Variants in GAK observed in about 807,000 individuals in gnomAD.
GAK encodes the protein cyclin G associated kinase, also known as cyclin-G-associated kinase.
In GAK, 79 loss-of-function variants were observed where a neutral mutation model predicts 143.9. The observed-to-expected ratio is 0.55, with a 90% CI of 0.46 to 0.66. The LOEUF (loss-of-function observed/expected upper bound fraction) is 0.66. Among genes scored for constraint, GAK ranks in the 30% least tolerant of loss-of-function variants. The pLI is 0.00. For synonymous variants in GAK, 881 were observed against 765.5 expected (o/e 1.15, Z -2.49); for missense variants, 1,693 against 1,779.7 (o/e 0.95, Z 0.88).
chr4:883,938 C>T lies in GAK; in HGVS notation c.1255+99G>A, dbSNP rs927169432. On this transcript the variant is annotated intron_variant, in intron 12 of 27. Transcript: ENST00000314167. ...TGTGAGTCTGTGGCCACAGAGAAGG[C>T]TGGAGCAGAGGCACCTGTGCCCTGA... 21 of 1,200,952 alleles carry T rather than the reference C, an allele frequency of 1.7e-5. No individual in the cohort carries two copies. In the African/African-American group the frequency reaches 3.0e-4, roughly 17 times the overall value. The allele number at this position is 1,200,952 out of a possible 1,614,324, so 74.4% of individuals were successfully genotyped here.
At chr4:912,939 G>T in intron 2 of GAK, 145 bp from the exon 3 acceptor site, 1 of 539,772 alleles carries the variant, frequency 1.9e-6, no homozygotes. Flanking sequence ...CTCCACCTCT[G>T]ACCCCTGTAA....
Position 896,444 on chromosome 4 carries a change from A to G in GAK, c.741+16T>C. On this transcript the variant is annotated intron_variant, in intron 7 of 27. Transcript: ENST00000314167. Reference sequence around the variant, plus strand: ...CACGGAGCCAGGCACTGCCACTGAGAGGCGCCAGACCTCACCCAGATATCC... The same window carrying G: ...CACGGAGCCAGGCACTGCCACTGAGGGGCGCCAGACCTCACCCAGATATCC... 6.2e-7 allele frequency: 1 copy of G among 1,609,358 alleles called. No individual in the cohort carries two copies. Among genetic ancestry groups the G allele is most frequent in the Non-Finnish European group, 8.5e-7 (1 of 1,176,128 alleles).
intron 5 of GAK, among the ~76,000 whole-genome samples, chr4:903,349 G>A (rs1206485971): frequency 6.6e-6 from 1 of 152,230 alleles, no homozygotes; most frequent in Non-Finnish European, 1.5e-5. Flanking sequence ...AACGGAAGGG[G>A]AGGTGCAGTG....
At chr4:914,864 C>T (rs1722823993) in intron 1 of GAK, among the ~76,000 whole-genome samples, 2 of 123,590 alleles carry the variant, frequency 1.6e-5, no homozygotes, top group Admixed American at 1.7e-4. Flanking sequence ...GCATGCACGG[C>T]CCCACACACA....
rs776533641 is a variant in GAK, at chr4:883,404, G to A, written c.1315C>T (p.Arg439Trp). 9 of 1,613,748 alleles carry A rather than the reference G, an allele frequency of 5.6e-6. No homozygotes were observed. Among genetic ancestry groups the A allele is most frequent in the Non-Finnish European group, 6.8e-6 (8 of 1,179,966 alleles). Reference protein sequence around the residue: ...SALKNNIEDVRLFLDSKHPGH... With the variant: ...SALKNNIEDVWLFLDSKHPGH... ...GGGTGCTTGGAGTCCAGGAACAACC[G>A]CACATCTTCGATGTTGTTTTTGAGC... The change falls in exon 13 of 28, where the codon CGG (arginine) becomes TGG (tryptophan). Residue 439 changes from arginine to tryptophan, a missense_variant. Arg to Trp is a moderately radical substitution (Grantham distance 101). Coordinates refer to ENST00000314167, the MANE Select transcript of GAK (RefSeq NM_005255.4).
chr4:893,739 G>T, intron 8 of GAK, 135 bp downstream of exon 8: 1 of 1,095,858 alleles, frequency 9.1e-7, no homozygotes, highest in Non-Finnish European at 1.3e-6. Context: ...CCCCCCCAGG[G>T]ATGTTGTCAA....
chr4:926,766 AG>A (rs1186853544), intron 1 of GAK, among the ~76,000 whole-genome samples: 1 of 152,078 alleles, frequency 6.6e-6, no homozygotes, highest in African/African-American at 2.4e-5. Context: ...TGGGCCTCAC[AG>A]GCCTGATGAC....
intron 4 of GAK, among the ~76,000 whole-genome samples, chr4:909,538 G>A (rs1168179817): frequency 6.6e-6 from 1 of 152,204 alleles, no homozygotes; most frequent in Non-Finnish European, 1.5e-5. Flanking sequence ...TGTCAGGGAT[G>A]GGAGAGACAG....
chr4:863,656 G>C (rs1480852920), intron 23 of GAK, among the ~76,000 whole-genome samples: 1 of 152,218 alleles, frequency 6.6e-6, no homozygotes, highest in Admixed American at 6.5e-5. Flanking sequence ...AGGATCGTTA[G>C]CATTTTTTAG....
chr4:884,188 C>A, intron 11 of GAK, 102 bp from the exon 12 acceptor site: 1 of 1,017,262 alleles, frequency 9.8e-7, no homozygotes. Context: ...CCGTGGGGCT[C>A]TCACTGTAGA....
intron 4 of GAK, among the ~76,000 whole-genome samples, chr4:906,493 G>T (rs1560412557): frequency 6.6e-6 from 1 of 152,122 alleles, no homozygotes; most frequent in Non-Finnish European, 1.5e-5. Context: ...GCTGGGGACT[G>T]AAGCATTCAC....
chr4:896,879 G>A (rs888092176), intron 6 of GAK, among the ~76,000 whole-genome samples: 1 of 152,276 alleles, frequency 6.6e-6, no homozygotes, highest in African/African-American at 2.4e-5. Flanking sequence ...TGTCTCACCT[G>A]GCACAAGGGC....
chr4:878,817 C>T (rs1280747923), intron 15 of GAK, among the ~76,000 whole-genome samples: 1 of 152,182 alleles, frequency 6.6e-6, no homozygotes, highest in Admixed American at 6.5e-5. Flanking sequence ...CTGCCTCCCA[C>T]CTCGTGGCAC....
At chr4:870,479 C>T (rs1350036549) in intron 19 of GAK, among the ~76,000 whole-genome samples, 1 of 152,238 alleles carries the variant, frequency 6.6e-6, no homozygotes, top group Admixed American at 6.5e-5. Context: ...GCCTCCGTCC[C>T]TGCCCATGGG....
chr4:891,260 CTTTT>C (rs1283125814), intron 9 of GAK, among the ~76,000 whole-genome samples: 2 of 151,174 alleles, frequency 1.3e-5, no homozygotes, highest in Admixed American at 1.3e-4. Context: ...TGCACCCAGG[CTTTT>C]TTTCTTTTTT....
chr4:925,438 C>T (rs1358752590), intron 1 of GAK, among the ~76,000 whole-genome samples: 1 of 152,186 alleles, frequency 6.6e-6, no homozygotes. Flanking sequence ...CAGTACAGGA[C>T]CACTACAGGC....
intron 13 of GAK, among the ~76,000 whole-genome samples, 163 bp downstream of exon 13, chr4:883,152 G>GA (rs1012371632): frequency 4.5e-4 from 68 of 152,346 alleles, no homozygotes; most frequent in African/African-American, 1.6e-3. Flanking sequence ...GAGCAACAGA[G>GA]ACCCCACCTC....
At chr4:920,317 A>C (rs559034906) in intron 1 of GAK, among the ~76,000 whole-genome samples, 3 of 151,838 alleles carry the variant, frequency 2.0e-5, no homozygotes, top group African/African-American at 7.2e-5. Context: ...CAAAAAAAAA[A>C]AAACAAAAAA....
At position 883,479 on chromosome 4, in the gene GAK, C is replaced by T. The variant is rs1174307419; in HGVS notation, c.1256-16G>A. ...AATGACATCACTGAAACAAGCAGAC[C>T]TGCGTCAGCACCTGGGAGATGCGCA... On this transcript the variant is annotated splice_polypyrimidine_tract_variant and intron_variant, in intron 12 of 27. Coordinates refer to ENST00000314167, the MANE Select transcript of GAK (RefSeq NM_005255.4). 6.2e-7 allele frequency: 1 copy of T among 1,612,654 alleles called. No homozygotes were observed. The highest frequency in any genetic ancestry group is 1.1e-5 in the South Asian group (1 of 91,062).
Sources: gnomAD v4.1 joint callset for allele counts (sites outside exome capture counted in the v4.1 genomes callset) on GRCh38, gnomAD v4.1.1 for gene constraint, MANE v1.5 for transcripts, NCBI Gene and HGNC (gene_info 2026-07-23, HGNC 2026-07-21) for gene names.